RABGAP1L: variants seen among roughly 807,000 people sequenced by gnomAD.
RABGAP1L encodes the protein rab GTPase-activating protein 1-like.
Under a neutral mutation model 137.7 loss-of-function variants are expected in RABGAP1L, and 63 were observed. That is an observed-to-expected ratio of 0.46 (90% CI 0.37 to 0.56). RABGAP1L has a LOEUF of 0.56. Among genes scored for constraint, RABGAP1L ranks in the 20% least tolerant of loss-of-function variants. The pLI is 0.00. For synonymous variants in RABGAP1L, 431 were observed against 433.7 expected, an observed-to-expected ratio of 0.99 and a Z score of 0.08; for missense variants, 1,095 against 1,244.0, an observed-to-expected ratio of 0.88 and a Z score of 1.80.
chr1:174,722,972 C>G (rs1267714828), intron 17 of RABGAP1L, among the ~76,000 whole-genome samples: 1 of 152,146 alleles, frequency 6.6e-6, no homozygotes, highest in Non-Finnish European at 1.5e-5. Context: ...GATGGAGACA[C>G]AGAACTGATG....
At chr1:174,924,406 AG>A (rs1459456905) in intron 19 of RABGAP1L, among the ~76,000 whole-genome samples, 100 of 149,116 alleles carry the variant, frequency 6.7e-4, no homozygotes, top group African/African-American at 2.2e-3. Context: ...AAAAAAAAAA[AG>A]AGAGAGATAC....
At chr1:174,569,332 G>A (rs116271769) in intron 13 of RABGAP1L, among the ~76,000 whole-genome samples, 4 of 152,078 alleles carry the variant, frequency 2.6e-5, no homozygotes, top group Non-Finnish European at 5.9e-5. Flanking sequence ...TCCTTATTCT[G>A]CCTTCCTCCT....
At chr1:174,957,771 T>G (rs1668725842) in intron 20 of RABGAP1L, 2 of 992,954 alleles carry the variant, frequency 2.0e-6, no homozygotes, top group Admixed American at 3.8e-5. Flanking sequence ...TGTGGCAAGT[T>G]CAATTCCCTC....
chr1:174,918,687 A>C (rs1037917525), intron 19 of RABGAP1L, among the ~76,000 whole-genome samples: 1 of 152,148 alleles, frequency 6.6e-6, no homozygotes, highest in African/African-American at 2.4e-5. Flanking sequence ...TGGGAGGCTG[A>C]GGTTGCTTGA....
At chr1:174,886,383 C>A (rs780172910) in intron 19 of RABGAP1L, among the ~76,000 whole-genome samples, 2 of 152,220 alleles carry the variant, frequency 1.3e-5, no homozygotes, top group Non-Finnish European at 2.9e-5. Context: ...AGTACTCAAA[C>A]TCATTGCAAG....
chr1:174,167,220 T>C (rs1298051911), intron 1 of RABGAP1L, among the ~76,000 whole-genome samples: 1 of 152,200 alleles, frequency 6.6e-6, no homozygotes, highest in Admixed American at 6.5e-5. Context: ...TTTCCCCCTC[T>C]TTTTTGAGGC....
intron 16 of RABGAP1L, among the ~76,000 whole-genome samples, chr1:174,701,601 G>A (rs1415684979): frequency 6.6e-6 from 1 of 151,974 alleles, no homozygotes; most frequent in Non-Finnish European, 1.5e-5. Context: ...AAAATAATCG[G>A]GCCTGGTGGA....
chr1:174,719,802 G>A (rs1373067590), intron 17 of RABGAP1L, among the ~76,000 whole-genome samples: 9 of 152,194 alleles, frequency 5.9e-5, no homozygotes, highest in African/African-American at 1.9e-4. Context: ...GATTTAGATA[G>A]CAAGATGAAA....
At chr1:174,360,808 C>T (rs1011147837) in intron 11 of RABGAP1L, among the ~76,000 whole-genome samples, 9 of 151,954 alleles carry the variant, frequency 5.9e-5, no homozygotes, top group African/African-American at 2.2e-4. Context: ...TTTTCATCTC[C>T]TCTCTTAATA....
chr1:174,803,274 G>T (rs1437385286), intron 18 of RABGAP1L, among the ~76,000 whole-genome samples: 1 of 152,096 alleles, frequency 6.6e-6, no homozygotes, highest in Non-Finnish European at 1.5e-5. Context: ...ATTTTTGCTT[G>T]TTACCCTTCA....
At chr1:174,549,749 G>T (rs1666287341) in intron 13 of RABGAP1L, among the ~76,000 whole-genome samples, 1 of 152,178 alleles carries the variant, frequency 6.6e-6, no homozygotes, top group South Asian at 2.1e-4. Flanking sequence ...TTAAATAGGG[G>T]TTGAGCACTA....
intron 11 of RABGAP1L, among the ~76,000 whole-genome samples, chr1:174,330,790 A>C (rs1366980379): frequency 6.6e-6 from 1 of 152,202 alleles, no homozygotes; most frequent in Non-Finnish European, 1.5e-5. Flanking sequence ...ATTCAGTGCA[A>C]TTTCTATCAA....
At position 174,483,136 on chromosome 1, in the gene RABGAP1L, A is replaced by G. The variant is rs564226711; in HGVS notation, c.1710+88991A>G. On this transcript the variant is annotated intron_variant, in intron 13 of 25. Transcript: ENST00000681986. Reference sequence around the variant, plus strand: ...ATTTATCCTTTATATTTCAAACAATATAATTATATCCTTTTTAGTTGTTTT... The same window carrying G: ...ATTTATCCTTTATATTTCAAACAATGTAATTATATCCTTTTTAGTTGTTTT... Among the ~76,000 whole-genome samples, 68 of 152,238 alleles carry G rather than the reference A, an allele frequency of 4.5e-4. 1 individual carries two copies. The highest frequency in any genetic ancestry group is 7.6e-4 in the Non-Finnish European group (52 of 68,050).
intron 8 of RABGAP1L, 84 bp downstream of exon 8, chr1:174,272,564 T>C: frequency 7.1e-7 from 1 of 1,399,016 alleles, no homozygotes; most frequent in Non-Finnish European, 9.3e-7. Flanking sequence ...ACAAATTTTG[T>C]CATATTGTCA....
At chr1:174,176,381 G>A (rs576221268) in intron 1 of RABGAP1L, among the ~76,000 whole-genome samples, 1 of 152,170 alleles carries the variant, frequency 6.6e-6, no homozygotes, top group Admixed American at 6.5e-5. Context: ...GATTTATGCA[G>A]ATCTTTATAA....
chr1:174,196,226 T>C (rs1667676931), intron 1 of RABGAP1L, among the ~76,000 whole-genome samples: 1 of 150,014 alleles, frequency 6.7e-6, no homozygotes, highest in Non-Finnish European at 1.5e-5. Context: ...TTTCTTTCTT[T>C]CTTTTTTTTT....
chr1:174,412,817 T>C (rs1225377483), intron 13 of RABGAP1L, among the ~76,000 whole-genome samples: 1 of 152,214 alleles, frequency 6.6e-6, no homozygotes, highest in African/African-American at 2.4e-5. Flanking sequence ...GTAATGTTTC[T>C]GATGAAAAGT....
intron 1 of RABGAP1L, among the ~76,000 whole-genome samples, chr1:174,195,640 C>T (rs1386968655): frequency 2.5e-4 from 21 of 85,698 alleles, no homozygotes; most frequent in Admixed American, 3.6e-4. Flanking sequence ...TTCCTTCCTT[C>T]CTTCCTTCCT....
intron 10 of RABGAP1L, among the ~76,000 whole-genome samples, chr1:174,298,327 A>T (rs1420374844): frequency 6.6e-6 from 1 of 152,212 alleles, no homozygotes; most frequent in African/African-American, 2.4e-5. Flanking sequence ...GGACCTGAGA[A>T]TTGGAATTAT....
Sources: allele counts gnomAD v4.1 joint callset (sites outside exome capture counted in the v4.1 genomes callset), GRCh38; gene constraint gnomAD v4.1.1; transcripts MANE v1.5; gene names NCBI Gene and HGNC (gene_info 2026-07-23, HGNC 2026-07-21).